The following SPRYD7 variants were observed in gnomAD, a reference collection of about 807,000 sequenced individuals.
SPRYD7 encodes SPRY domain-containing protein 7.
Under a neutral mutation model 23.8 loss-of-function variants are expected in SPRYD7, and 14 were observed. That is an observed-to-expected ratio of 0.59 (90% confidence interval 0.39 to 0.92). The LOEUF (loss-of-function observed/expected upper bound fraction) is 0.92. Ranked by LOEUF, SPRYD7 falls within the 40% of genes least tolerant of loss-of-function variation. The pLI is 0.00. For synonymous variants in SPRYD7, 75 were observed against 84.9 expected (o/e 0.88, Z 0.64); for missense variants, 194 against 241.7 (o/e 0.80, Z 1.31).
chr13:49,921,386 G>A (rs770903290), intron 4 of SPRYD7, 92 bp downstream of exon 4: 2 of 804,882 alleles, frequency 2.5e-6, no homozygotes, highest in South Asian at 1.5e-5. Flanking sequence ...CAAGTCTTGG[G>A]TATGTCTTTA....
At chr13:49,925,297 C>G (rs868649189) in intron 3 of SPRYD7, among the ~76,000 whole-genome samples, 1 of 152,050 alleles carries the variant, frequency 6.6e-6, no homozygotes, top group African/African-American at 2.4e-5. Context: ...GAGGCTGAGA[C>G]GGGAGAATCG....
chr13:49,928,231 G>C, intron 2 of SPRYD7, 146 bp from the exon 3 acceptor site: 2 of 714,400 alleles, frequency 2.8e-6, no homozygotes, highest in Non-Finnish European at 4.3e-6. Context: ...TCTTCTTTTA[G>C]AAGTAGTTTG....
chr13:49,926,328 T>G (rs948722709), intron 3 of SPRYD7, among the ~76,000 whole-genome samples: 1 of 152,182 alleles, frequency 6.6e-6, no homozygotes, highest in Non-Finnish European at 1.5e-5. Flanking sequence ...AGAAAAACAT[T>G]TGTTACTGAT....
At position 49,921,496 on chromosome 13, in the gene SPRYD7, C is replaced by G. The variant is rs766934449; in HGVS notation, c.475G>C (p.Val159Leu). 6.2e-7 allele frequency: 1 copy of G among 1,611,054 alleles called. No individual in the cohort carries two copies. Among genetic ancestry groups the G allele is most frequent in the Non-Finnish European group, 8.5e-7 (1 of 1,177,356 alleles). Residue 159 changes from valine (V) to leucine (L), a missense_variant, in exon 4 of 5, where the codon GTG becomes CTG. Val to Leu is a conservative substitution (Grantham distance 32). Coordinates refer to ENST00000361840, the MANE Select transcript of SPRYD7 (RefSeq NM_020456.4). The stretch of plus-strand genomic sequence containing the variant: ...TGCTTACCATAAACAACTGGATACA[C>G]TGTCCCTCGTATACCTGATGCTGGA... ...HCPASGIRGT[V>L]YPVVYVDDSA... is the part of the protein sequence containing the mutation.
chr13:49,935,387 G>T (rs936209691), intron 1 of SPRYD7, among the ~76,000 whole-genome samples: 3 of 152,186 alleles, frequency 2.0e-5, no homozygotes, highest in African/African-American at 7.2e-5. Flanking sequence ...AAAAGTCTAA[G>T]AAATAATAAG....
intron 2 of SPRYD7, among the ~76,000 whole-genome samples, chr13:49,930,114 A>G (rs1420649281): frequency 1.3e-5 from 2 of 152,134 alleles, no homozygotes; most frequent in East Asian, 1.9e-4. Flanking sequence ...CTTTTATTTT[A>G]AAAGTTTTCC....
chr13:49,916,693 G>A (rs1338056576), intron 4 of SPRYD7, among the ~76,000 whole-genome samples: 1 of 152,156 alleles, frequency 6.6e-6, no homozygotes, highest in Non-Finnish European at 1.5e-5. Context: ...GGGAAACACA[G>A]GACTAGTGAG....
At chr13:49,933,883 T>C (rs547938446) in intron 1 of SPRYD7, among the ~76,000 whole-genome samples, 127 of 152,290 alleles carry the variant, frequency 8.3e-4, no homozygotes, top group African/African-American at 3.0e-3. Flanking sequence ...TTCTAAAATG[T>C]CGATTCACAA....
At chr13:49,924,900 C>T (rs182028541) in intron 3 of SPRYD7, among the ~76,000 whole-genome samples, 109 of 150,338 alleles carry the variant, frequency 7.3e-4, no homozygotes, top group African/African-American at 2.5e-3. Context: ...CGCTTGAACC[C>T]GGGAGGTGAA....
At chr13:49,933,755 G>A (rs1320415459) in intron 1 of SPRYD7, among the ~76,000 whole-genome samples, 1 of 152,076 alleles carries the variant, frequency 6.6e-6, no homozygotes, top group African/African-American at 2.4e-5. Context: ...GACGGTCAAG[G>A]CAAATTTGAG....
intron 4 of SPRYD7, among the ~76,000 whole-genome samples, chr13:49,916,312 C>A (rs1955750668): frequency 1.3e-5 from 2 of 151,932 alleles, no homozygotes; most frequent in South Asian, 2.1e-4. Flanking sequence ...TGTTAAATTG[C>A]ACATATAAGT....
At chr13:49,925,298 G>A (rs1181460808) in intron 3 of SPRYD7, among the ~76,000 whole-genome samples, 2 of 151,498 alleles carry the variant, frequency 1.3e-5, no homozygotes, top group Non-Finnish European at 2.9e-5. Flanking sequence ...AGGCTGAGAC[G>A]GGAGAATCGC....
At chr13:49,918,738 T>A (rs1955781530) in intron 4 of SPRYD7, among the ~76,000 whole-genome samples, 1 of 145,504 alleles carries the variant, frequency 6.9e-6, no homozygotes, top group South Asian at 2.2e-4. Context: ...TTGTGGAGAC[T>A]AAGTCTTGCT....
intron 4 of SPRYD7, among the ~76,000 whole-genome samples, chr13:49,920,795 T>A (rs1484601326): frequency 6.6e-6 from 1 of 152,020 alleles, no homozygotes; most frequent in Non-Finnish European, 1.5e-5. Flanking sequence ...ACCCCATCTC[T>A]ACTAAAAATA....
intron 1 of SPRYD7, among the ~76,000 whole-genome samples, chr13:49,933,218 T>C (rs1223833045): frequency 6.6e-6 from 1 of 152,208 alleles, no homozygotes; most frequent in Non-Finnish European, 1.5e-5. Flanking sequence ...CCCTCCACAT[T>C]TCTTGGCCAC....
chr13:49,927,329 T>C (rs1955893236), intron 3 of SPRYD7, among the ~76,000 whole-genome samples: 1 of 151,956 alleles, frequency 6.6e-6, no homozygotes, highest in South Asian at 2.1e-4. Flanking sequence ...ACCCCGTCTC[T>C]ACTAAAAATA....
rs760148376 is a variant in SPRYD7, at chr13:49,931,070, G to T, written c.171C>A (p.Ser57Arg). The T allele has an allele frequency of 1.2e-6, 2 of 1,613,496 alleles. No individual in the cohort carries two copies. Among genetic ancestry groups the T allele is most frequent in the Admixed American group, 3.3e-5 (2 of 59,966 alleles). The change falls in exon 2 of 5, where the codon AGC becomes AGA. Residue 57 changes from serine (S) to arginine (R), a missense_variant. Coordinates refer to ENST00000361840, the MANE Select transcript of SPRYD7 (RefSeq NM_020456.4). ...RICGTGGCLA[S>R]APLHQNKSYF... is the part of the protein sequence containing the mutation. The stretch of plus-strand genomic sequence containing the variant: ...AGCTTTTGTTTTGATGTAAAGGTGC[G>T]CTGGCTAAACAACCTCCTGTTCCAC...
chr13:49,915,869 G>C (rs1955745799), intron 4 of SPRYD7, among the ~76,000 whole-genome samples: 1 of 152,208 alleles, frequency 6.6e-6, no homozygotes, highest in Non-Finnish European at 1.5e-5. Flanking sequence ...AATAAAAACT[G>C]ATGAATTATT....
At chr13:49,934,573 A>AAAAAG (rs1871530390) in intron 1 of SPRYD7, among the ~76,000 whole-genome samples, 2 of 142,924 alleles carry the variant, frequency 1.4e-5, no homozygotes, top group African/African-American at 4.9e-5. Context: ...AAAAAAAAAA[A>AAAAAG]AAAAGAAAAG....
Sources: gnomAD v4.1 joint callset for allele counts (sites outside exome capture counted in the v4.1 genomes callset) on GRCh38, gnomAD v4.1.1 for gene constraint, MANE v1.5 for transcripts, NCBI Gene and HGNC (gene_info 2026-07-23, HGNC 2026-07-21) for gene names.